The following POLQ variants were observed in gnomAD, a reference collection of about 807,000 sequenced individuals.
POLQ encodes the protein epididymis secretory sperm binding protein.
Under a neutral mutation model 259.2 loss-of-function variants are expected in POLQ, and 233 were observed. The observed-to-expected ratio is 0.90, with a 90% confidence interval of 0.81 to 1.00. The LOEUF (loss-of-function observed/expected upper bound fraction) is 1.00. Ranked by LOEUF, POLQ falls within the 50% of genes least tolerant of loss-of-function variation. The probability of loss-of-function intolerance (pLI) is 0.00; values close to 1 mark genes in which losing one functional copy is unlikely to be tolerated. For synonymous variants in POLQ, 1,025 were observed against 1,048.8 expected, an observed-to-expected ratio of 0.98 and a Z score of 0.44; for missense variants, 2,871 against 3,051.6, an observed-to-expected ratio of 0.94 and a Z score of 1.39.
intron 20 of POLQ, among the ~76,000 whole-genome samples, chr3:121,473,939 G>T (rs970594190): frequency 6.6e-6 from 1 of 151,924 alleles, no homozygotes; most frequent in African/African-American, 2.4e-5. Context: ...GTTGGCCAGG[G>T]TGGTCTCAAA....
Position 121,497,309 on chromosome 3 carries a change from C to T in POLQ, c.2154-377G>A, listed in dbSNP as rs138952742. On this transcript the variant is annotated intron_variant, in intron 13 of 29. Coordinates refer to ENST00000264233, the MANE Select transcript of POLQ (RefSeq NM_199420.4). ...AAAATGACAATATAAATATAGCATCCAATTTTGATTTGAAAGGCAACGGTA... is the reference window on the plus strand; with the variant it reads ...AAAATGACAATATAAATATAGCATCTAATTTTGATTTGAAAGGCAACGGTA... Among the ~76,000 whole-genome samples the T allele has an allele frequency of 4.3e-4, 66 of 152,106 alleles. 1 individual carries two copies. The East Asian group carries it at 0.01, about 23-fold the overall frequency.
chr3:121,520,168 C>A, intron 8 of POLQ, 85 bp from the exon 9 acceptor site: 2 of 757,660 alleles, frequency 2.6e-6, no homozygotes, highest in South Asian at 1.7e-5. Context: ...TGAGAGTCTG[C>A]TTCAAGCCTC....
intron 25 of POLQ, among the ~76,000 whole-genome samples, chr3:121,458,571 T>G (rs902927267): frequency 1.3e-5 from 2 of 152,232 alleles, no homozygotes; most frequent in Non-Finnish European, 2.9e-5. Flanking sequence ...TCATGGGTTA[T>G]GAGAATTAAA....
chr3:121,513,367 G>A (rs1374636099), intron 9 of POLQ, among the ~76,000 whole-genome samples: 1 of 151,948 alleles, frequency 6.6e-6, no homozygotes. Flanking sequence ...ACTTTGGGAG[G>A]CCGAGGAGGG....
chr3:121,481,425 T>C (rs2047969153), intron 19 of POLQ, 147 bp downstream of exon 19: 1 of 676,122 alleles, frequency 1.5e-6, no homozygotes, highest in Non-Finnish European at 2.4e-6. Flanking sequence ...CAAAAATATT[T>C]ACTCTCTGGC....
intron 17 of POLQ, among the ~76,000 whole-genome samples, chr3:121,484,539 A>C (rs957154081): frequency 6.6e-6 from 1 of 152,216 alleles, no homozygotes; most frequent in South Asian, 2.1e-4. Context: ...AGAAGTAAGG[A>C]AGTGCTTCTT....
At chr3:121,463,625 A>G (rs1476337822) in intron 24 of POLQ, among the ~76,000 whole-genome samples, 1 of 152,184 alleles carries the variant, frequency 6.6e-6, no homozygotes, top group Non-Finnish European at 1.5e-5. Flanking sequence ...TAAAGAAAAC[A>G]CCATTCTTAG....
At chr3:121,449,241 T>C (rs1314986370) in intron 26 of POLQ, 74 bp downstream of exon 26, 3 of 767,248 alleles carry the variant, frequency 3.9e-6, no homozygotes, top group African/African-American at 1.7e-5. Context: ...CAAAAGAAAA[T>C]TCCATTACAC....
chr3:121,458,090 A>G (rs914627170), intron 25 of POLQ, among the ~76,000 whole-genome samples: 3 of 152,152 alleles, frequency 2.0e-5, no homozygotes, highest in Non-Finnish European at 4.4e-5. Context: ...TTGTAGGGAC[A>G]TGGATGAAAT....
chr3:121,513,272 G>C (rs1275777665), intron 9 of POLQ, among the ~76,000 whole-genome samples: 1 of 152,042 alleles, frequency 6.6e-6, no homozygotes, highest in African/African-American at 2.4e-5. Flanking sequence ...ATCAATGGCT[G>C]TTTATCCCAG....
At chr3:121,472,925 T>C (rs2047897220) in intron 21 of POLQ, among the ~76,000 whole-genome samples, 1 of 152,186 alleles carries the variant, frequency 6.6e-6, no homozygotes, top group African/African-American at 2.4e-5. Context: ...AATTAGCAGA[T>C]TAAATTCTTA....
intron 5 of POLQ, among the ~76,000 whole-genome samples, chr3:121,536,854 C>T (rs1345750221): frequency 6.6e-6 from 1 of 152,008 alleles, no homozygotes; most frequent in Non-Finnish European, 1.5e-5. Context: ...CTGTGTTGCC[C>T]AGGCTGGTCT....
intron 3 of POLQ, 50 bp from the exon 4 acceptor site, chr3:121,539,639 G>A: frequency 6.9e-7 from 1 of 1,446,786 alleles, no homozygotes. Context: ...TGAAATTCAA[G>A]AGTTATAAAC....
intron 12 of POLQ, among the ~76,000 whole-genome samples, chr3:121,499,267 C>CT (rs34141063): frequency 1.3e-3 from 170 of 135,644 alleles, no homozygotes; most frequent in East Asian, 5.5e-3. Context: ...GAACCCAAGT[C>CT]TTTTTTTTTT....
intron 17 of POLQ, among the ~76,000 whole-genome samples, chr3:121,484,475 T>C (rs574988544): frequency 6.6e-6 from 1 of 152,330 alleles, no homozygotes; most frequent in South Asian, 2.1e-4. Context: ...GAGTCTTCAC[T>C]GCCCCCTCAG....
At position 121,498,630 on chromosome 3, in the gene POLQ, T is replaced by C. The variant is rs938321390; in HGVS notation, c.2000A>G (p.Tyr667Cys). 6.2e-7 allele frequency: 1 copy of C among 1,613,530 alleles called. No homozygotes were observed. The highest frequency in any genetic ancestry group is 1.7e-5 in the Admixed American group (1 of 60,002). ...MFEDWTTIDW[Y>C]RFFCLWEKLP... ...CTTCTCCCATAAACAGAAAAATCGATACCAATCAATAGTAGTCCAATCCTC... is the reference window on the plus strand; with the variant it reads ...CTTCTCCCATAAACAGAAAAATCGACACCAATCAATAGTAGTCCAATCCTC... Residue 667 changes from tyrosine to cysteine, a missense_variant, in exon 13 of 30, where the codon TAT becomes TGT. This residue lies in a region of POLQ where 783 missense variants were observed against 906.2 expected (regional missense o/e 0.86). Transcript: ENST00000264233.
chr3:121,472,426 G>T (rs1334023421), intron 21 of POLQ, among the ~76,000 whole-genome samples: 1 of 152,092 alleles, frequency 6.6e-6, no homozygotes, highest in Admixed American at 6.5e-5. Flanking sequence ...GTTTAACAAA[G>T]TAACTGCCTC....
chr3:121,522,221 A>C, intron 7 of POLQ, 72 bp from the exon 8 acceptor site: 1 of 1,058,574 alleles, frequency 9.4e-7, no homozygotes. Context: ...CTAAATCATA[A>C]TAGAGCTAAA....
chr3:121,437,057 T>A (rs2047549808), intron 27 of POLQ, among the ~76,000 whole-genome samples: 1 of 152,070 alleles, frequency 6.6e-6, no homozygotes, highest in African/African-American at 2.4e-5. Flanking sequence ...TGAGAGGTAT[T>A]CTCTAGTCCT....
Sources: allele counts gnomAD v4.1 joint callset (sites outside exome capture counted in the v4.1 genomes callset), GRCh38; gene constraint gnomAD v4.1.1; regional missense constraint gnomAD v4.1.1; transcripts MANE v1.5; gene names NCBI Gene and HGNC (gene_info 2026-07-23, HGNC 2026-07-21).